Variants in PKNOX2 observed in about 807,000 individuals in gnomAD.
PKNOX2 encodes PBX/knotted 1 homeobox 2.
Under a neutral mutation model 53.1 loss-of-function variants are expected in PKNOX2, and 14 were observed. The ratio of observed to expected loss-of-function variants is 0.26; its 90% CI spans 0.17 to 0.41. The LOEUF is 0.41. Ranked by LOEUF, PKNOX2 falls within the 10% of genes least tolerant of loss-of-function variation. The pLI, the probability that PKNOX2 is intolerant of heterozygous loss-of-function variation, is 1.00. For missense variants in PKNOX2, 496 were observed against 602.8 expected (o/e 0.82, Z 1.85); for synonymous variants, 257 against 242.8 (o/e 1.06, Z -0.54).
At chr11:125,207,041 G>C (rs1417641929) in intron 1 of PKNOX2, among the ~76,000 whole-genome samples, 1 of 151,414 alleles carries the variant, frequency 6.6e-6, no homozygotes, top group Non-Finnish European at 1.5e-5. Flanking sequence ...GTGAGGGGGT[G>C]GGGGACTGAT....
chr11:125,426,798 A>T (rs1372561902), intron 10 of PKNOX2, among the ~76,000 whole-genome samples: 1 of 152,222 alleles, frequency 6.6e-6, no homozygotes, highest in Admixed American at 6.5e-5. Context: ...AGAGAAGCTC[A>T]TGGCCTAGTG....
intron 1 of PKNOX2, chr11:125,191,094 G>C (rs1180628724): frequency 6.6e-6 from 1 of 152,154 alleles, no homozygotes; most frequent in Non-Finnish European, 1.5e-5. Context: ...AAATTCTTAA[G>C]AGGTGTTCAT....
At chr11:125,221,742 G>T (rs1475138966) in intron 1 of PKNOX2, among the ~76,000 whole-genome samples, 1 of 149,672 alleles carries the variant, frequency 6.7e-6, no homozygotes, top group Non-Finnish European at 1.5e-5. Context: ...GTTTCAGTAG[G>T]TTTTTTTTTT....
chr11:125,313,164 AAG>A (rs1194343400), intron 2 of PKNOX2, among the ~76,000 whole-genome samples: 1 of 152,142 alleles, frequency 6.6e-6, no homozygotes, highest in Non-Finnish European at 1.5e-5. Flanking sequence ...AGAAAGGGGA[AAG>A]AGAAGTCGAG....
intron 6 of PKNOX2, among the ~76,000 whole-genome samples, chr11:125,390,197 T>G (rs1591553238): frequency 1.3e-5 from 2 of 152,212 alleles, no homozygotes; most frequent in African/African-American, 2.4e-5. Context: ...CTGTTTTACA[T>G]ATATTATCTT....
chr11:125,211,094 C>A lies in PKNOX2; in HGVS notation c.-200-23951C>A, dbSNP rs115014535. On this transcript the variant is annotated intron_variant, in intron 1 of 12. Coordinates refer to ENST00000298282, the MANE Select transcript of PKNOX2 (RefSeq NM_001382323.2). The stretch of plus-strand genomic sequence containing the variant: ...GAGAAGACAGTGAACGTCAGTTCCC[C>A]GATTCCTCCCTCTCCTTCCTTGCAC... 1.0e-3 allele frequency among the ~76,000 whole-genome samples: 157 copies of A among 152,230 alleles called. 1 individual carries two copies. Among genetic ancestry groups the A allele is most frequent in the African/African-American group, 3.6e-3 (149 of 41,552 alleles).
At chr11:125,319,207 C>T (rs1949378271) in intron 2 of PKNOX2, among the ~76,000 whole-genome samples, 1 of 152,096 alleles carries the variant, frequency 6.6e-6, no homozygotes, top group South Asian at 2.1e-4. Context: ...ATTGTTGTGC[C>T]TCACACACAT....
intron 5 of PKNOX2, among the ~76,000 whole-genome samples, chr11:125,380,938 G>T (rs1277363670): frequency 6.6e-6 from 1 of 152,194 alleles, no homozygotes; most frequent in African/African-American, 2.4e-5. Flanking sequence ...CTTTAGGCAG[G>T]TACAGGCTGG....
At chr11:125,201,587 C>T (rs1261510697) in intron 1 of PKNOX2, among the ~76,000 whole-genome samples, 1 of 152,168 alleles carries the variant, frequency 6.6e-6, no homozygotes, top group Non-Finnish European at 1.5e-5. Flanking sequence ...GAAGATTGCG[C>T]CACCTGTGCG....
At chr11:125,301,045 A>C (rs1268015192) in intron 2 of PKNOX2, among the ~76,000 whole-genome samples, 1 of 152,180 alleles carries the variant, frequency 6.6e-6, no homozygotes, top group Non-Finnish European at 1.5e-5. Flanking sequence ...CTGATAATAG[A>C]TGCTTATCTC....
chr11:125,271,644 G>T (rs1945799961), intron 2 of PKNOX2, among the ~76,000 whole-genome samples: 2 of 152,108 alleles, frequency 1.3e-5, no homozygotes, highest in Non-Finnish European at 2.9e-5. Flanking sequence ...GTTCTGTCTA[G>T]ACCTTCAATG....
intron 1 of PKNOX2, among the ~76,000 whole-genome samples, chr11:125,218,790 C>G (rs963565360): frequency 6.6e-6 from 1 of 152,128 alleles, no homozygotes; most frequent in Non-Finnish European, 1.5e-5. Flanking sequence ...GCAAATCCAA[C>G]CCAAAAAGGC....
chr11:125,177,648 C>T (rs1473054900), intron 1 of PKNOX2, among the ~76,000 whole-genome samples: 1 of 152,178 alleles, frequency 6.6e-6, no homozygotes, highest in African/African-American at 2.4e-5. Flanking sequence ...TTCATGAGTT[C>T]CTTTCCCGTC....
rs77045113 is a variant in PKNOX2 at position 125,302,252 on chromosome 11, A to G, written c.-129-29567A>G. 1.0e-3 allele frequency among the ~76,000 whole-genome samples: 158 copies of G among 152,322 alleles called. 2 individuals are homozygous for G. The East Asian group carries it at 0.027, about 26-fold the overall frequency. On this transcript the variant is annotated intron_variant, in intron 2 of 12. Coordinates refer to ENST00000298282, the MANE Select transcript of PKNOX2 (RefSeq NM_001382323.2). ...CAGGTGATGTAAATTGAAAGGCCAC[A>G]TTCAGCCTGGACCTAGAAGTTGGGC...
intron 1 of PKNOX2, among the ~76,000 whole-genome samples, chr11:125,177,832 G>C (rs1955813600): frequency 6.6e-6 from 1 of 152,168 alleles, no homozygotes; most frequent in South Asian, 2.1e-4. Flanking sequence ...TCAGAGCCTG[G>C]GGAGGCTTCG....
intron 2 of PKNOX2, among the ~76,000 whole-genome samples, chr11:125,310,106 T>C (rs373672460): frequency 8.5e-5 from 13 of 152,340 alleles, no homozygotes; most frequent in Non-Finnish European, 1.3e-4. Flanking sequence ...AGGAATTCTA[T>C]GTGTGTGTTT....
chr11:125,169,188 A>G (rs1230550975), intron 1 of PKNOX2, among the ~76,000 whole-genome samples: 1 of 152,236 alleles, frequency 6.6e-6, no homozygotes, highest in Non-Finnish European at 1.5e-5. Flanking sequence ...GGTGAAAACG[A>G]TGCTGCAGAG....
intron 9 of PKNOX2, 159 bp from the exon 10 acceptor site, chr11:125,411,587 G>T (rs1327167754): frequency 6.7e-6 from 7 of 1,047,116 alleles, no homozygotes; most frequent in East Asian, 2.9e-5. Context: ...CTCTCTGAGG[G>T]GCTGGCATGG....
chr11:125,404,707 G>A (rs1257806267), intron 7 of PKNOX2, among the ~76,000 whole-genome samples: 1 of 152,206 alleles, frequency 6.6e-6, no homozygotes, highest in Middle Eastern at 3.4e-3. Context: ...CATGTATCTC[G>A]CATGTACCAT....
Sources: gnomAD v4.1 joint callset for allele counts (sites outside exome capture counted in the v4.1 genomes callset) on GRCh38, gnomAD v4.1.1 for gene constraint, MANE v1.5 for transcripts, NCBI Gene and HGNC (gene_info 2026-07-23, HGNC 2026-07-21) for gene names.